TPP2: variants seen among roughly 807,000 people sequenced by gnomAD.
The protein encoded by TPP2 is tripeptidyl peptidase 2, also known as tripeptidyl-peptidase 2.
TPP2 carries 34 observed loss-of-function variants against 155.9 expected under a neutral mutation model. The observed-to-expected ratio is 0.22, with a 90% CI of 0.17 to 0.29. The LOEUF (loss-of-function observed/expected upper bound fraction) is 0.29, where lower values mean the gene tolerates loss of function less well. Among genes scored for constraint, TPP2 ranks in the 10% least tolerant of loss-of-function variants. TPP2 has a pLI of 1.00. For missense variants in TPP2, 1,028 were observed against 1,522.3 expected (o/e 0.68, Z 5.40); for synonymous variants, 510 against 529.4 (o/e 0.96, Z 0.50).
chr13:102,630,202 G>T lies in TPP2; in HGVS notation c.1244+7G>T, dbSNP rs749310939. On this transcript the variant is annotated splice_region_variant and intron_variant, in intron 10 of 29. Transcript: ENST00000376052. Reference sequence around the variant, plus strand: ...GGTCTTCTAGAGGACCTAGGTAGGTGCAGGTAGAACGCGGAACCATTACGT... The same window carrying T: ...GGTCTTCTAGAGGACCTAGGTAGGTTCAGGTAGAACGCGGAACCATTACGT... 1.9e-6 allele frequency: 3 copies of T among 1,606,488 alleles called. No homozygotes were observed. Among genetic ancestry groups the T allele is most frequent in the Admixed American group, 3.3e-5 (2 of 59,944 alleles).
At chr13:102,604,691 T>G in intron 1 of TPP2, 102 bp from the exon 2 acceptor site, 8 of 1,309,204 alleles carry the variant, frequency 6.1e-6, no homozygotes, top group Non-Finnish European at 8.2e-6. Context: ...TTTAAGTGAA[T>G]GTAGATTTTG....
In TPP2 at chr13:102,630,108, A is replaced by T. The variant is rs1017757676; in HGVS notation, c.1157A>T (p.Tyr386Phe). 11 of 1,613,030 alleles carry T rather than the reference A, an allele frequency of 6.8e-6. No individual in the cohort carries two copies. The highest frequency in any genetic ancestry group is 9.3e-6 in the Non-Finnish European group (11 of 1,179,732). Residue 386 changes from tyrosine to phenylalanine, a missense_variant, in exon 10 of 30, where the codon TAT (tyrosine) becomes TTT (phenylalanine). Physicochemically the swap from Tyr to Phe is conservative, Grantham distance 22. Around this residue, in one of 7 missense-constraint regions of TPP2, gnomAD observed 63 missense variants for 165.7 expected, o/e 0.38. Coordinates refer to ENST00000376052, the MANE Select transcript of TPP2 (RefSeq NM_001330588.2). ...TTSSVIGVGAYVSPDMMVAEY... is the reference protein window; with the variant it reads ...TTSSVIGVGAFVSPDMMVAEY... ...ATCCATCCCACAGGTGTTGGTGCTT[A>T]TGTTTCTCCTGATATGATGGTTGCT...
At chr13:102,604,390 G>T (rs1445361587) in intron 1 of TPP2, among the ~76,000 whole-genome samples, 1 of 151,976 alleles carries the variant, frequency 6.6e-6, no homozygotes, top group Non-Finnish European at 1.5e-5. Flanking sequence ...CATCTGACAT[G>T]TTCTTTTTTT....
Position 102,627,021 on chromosome 13 carries a change from G to T in TPP2, c.794G>T (p.Gly265Val). ...ACCTTTGTGTCTCTAGGAGCTCATG[G>T]GACACATGTAGCTAGTATAGCTGCT... ...LSIVTSGGAH[G>V]THVASIAAGH... The change falls in exon 7 of 30, where the codon GGG becomes GTG. Residue 265 changes from glycine (G) to valine (V), a missense_variant. Physicochemically the swap from Gly to Val is moderately radical, Grantham distance 109. Coordinates refer to ENST00000376052, the MANE Select transcript of TPP2 (RefSeq NM_001330588.2). 1 of 1,575,040 alleles carries T rather than the reference G, an allele frequency of 6.3e-7. No individual in the cohort carries two copies. Among genetic ancestry groups the T allele is most frequent in the South Asian group, 1.2e-5 (1 of 84,104 alleles).
intron 25 of TPP2, among the ~76,000 whole-genome samples, chr13:102,661,224 A>G (rs964713783): frequency 2.7e-5 from 4 of 150,896 alleles, no homozygotes; most frequent in Non-Finnish European, 5.9e-5. Flanking sequence ...AGGAGCTTGT[A>G]TGCAAAATAT....
chr13:102,609,345 A>G lies in TPP2; in HGVS notation c.294+4424A>G, dbSNP rs180898188. Among the ~76,000 whole-genome samples the G allele has an allele frequency of 2.1e-3, 314 of 150,666 alleles. 3 individuals carry two copies. The highest frequency in any genetic ancestry group is 7.1e-3 in the South Asian group (34 of 4,780). ...AAGGGGAAACAAGACATGTCTTCTC[A>G]TCATGATAGAGCAGGAAAGAGAGCC... is the stretch of plus-strand genomic sequence containing the variant. On this transcript the variant is annotated intron_variant, in intron 2 of 29. Transcript: ENST00000376052.
At chr13:102,671,514 A>G (rs570520188) in intron 27 of TPP2, among the ~76,000 whole-genome samples, 8 of 152,336 alleles carry the variant, frequency 5.3e-5, no homozygotes, top group Admixed American at 1.3e-4. Context: ...AGAGATCTGC[A>G]GAGTGACCTC....
In TPP2 at chr13:102,678,389, A is replaced by G. The variant is rs184692424; in HGVS notation, c.*73A>G. 31 of 1,331,370 alleles carry G rather than the reference A, an allele frequency of 2.3e-5. No individual in the cohort carries two copies. The highest frequency in any genetic ancestry group is 3.2e-5 in the Non-Finnish European group (30 of 938,592). The allele number at this position is 1,331,370 out of a possible 1,614,324, so 82.5% of individuals were successfully genotyped here. ...ATGGGTATAAAAACAAATTTGTGGC[A>G]TTTTTAGTCTAATGCATGTTTTCAT... On this transcript the variant is annotated 3_prime_UTR_variant, in exon 30 of 30. Transcript: ENST00000376052.
At chr13:102,597,419 GCGGGCGAGGGCC>G (rs1230905518) in intron 1 of TPP2, among the ~76,000 whole-genome samples, 46 of 152,318 alleles carry the variant, frequency 3.0e-4, no homozygotes, top group African/African-American at 1.1e-3. Flanking sequence ...GGGTCGCTGG[GCGGGCGAGGGCC>G]CGGACCCCAG....
At chr13:102,624,180 T>C (rs16960257) in intron 6 of TPP2, among the ~76,000 whole-genome samples, 4,867 of 152,256 alleles carry the variant, frequency 0.032, 273 homozygotes, top group African/African-American at 0.11. Flanking sequence ...TTTATAGATA[T>C]GTGTGTTTAT....
chr13:102,640,217 A>C, intron 15 of TPP2, 53 bp from the exon 16 acceptor site: 1 of 1,301,882 alleles, frequency 7.7e-7, no homozygotes, highest in South Asian at 1.4e-5. Context: ...AATCTAGAGT[A>C]TCTGTGGTCT....
chr13:102,677,379 C>G (rs1262258663), intron 29 of TPP2, among the ~76,000 whole-genome samples: 3 of 150,780 alleles, frequency 2.0e-5, no homozygotes, highest in South Asian at 4.2e-4. Context: ...CTGCCCCCCC[C>G]GCTGCCTGTT....
In TPP2 at chr13:102,614,251, C is replaced by T; in HGVS notation, c.390+55C>T. On this transcript the variant is annotated intron_variant, in intron 3 of 29. Transcript: ENST00000376052. ...TATTCTTCTGACTTGTCTTCTTCCTCAGATTTTATTCCTACTGAAGAAAAA... is the reference window on the plus strand; with the variant it reads ...TATTCTTCTGACTTGTCTTCTTCCTTAGATTTTATTCCTACTGAAGAAAAA... 3 of 1,389,448 alleles carry T rather than the reference C, an allele frequency of 2.2e-6. 1 individual carries two copies. The South Asian group carries it at 4.0e-5, about 19-fold the overall frequency. The allele number at this position is 1,389,448 out of a possible 1,614,324, so 86.1% of individuals were successfully genotyped here. A position where few individuals can be genotyped will look rare whatever the true frequency, so the allele number is the denominator to read the frequency against.
intron 2 of TPP2, among the ~76,000 whole-genome samples, chr13:102,609,098 T>C (rs571041254): frequency 3.9e-5 from 6 of 152,272 alleles, no homozygotes; most frequent in African/African-American, 1.4e-4. Flanking sequence ...TGGCCGTAGG[T>C]ATTCAGGTAA....
In TPP2 at chr13:102,636,321, G is replaced by A; in HGVS notation, c.1607G>A (p.Arg536Gln). ...TVGNNRGIYL[R>Q]DPVQVAAPSD... The stretch of plus-strand genomic sequence containing the variant: ...GGAAATAACCGTGGCATCTACCTCC[G>A]AGATCCTGTTCAGGTGGCTGCACCT... Residue 536 changes from arginine (R) to glutamine (Q), a missense_variant, in exon 13 of 30, where the codon CGA (arginine) becomes CAA (glutamine). Arg to Gln is a conservative substitution (Grantham distance 43). Around this residue, in one of 7 missense-constraint regions of TPP2, gnomAD observed 325 missense variants for 463.7 expected, o/e 0.70. Transcript: ENST00000376052. 1.2e-6 allele frequency: 2 copies of A among 1,613,776 alleles called. No homozygotes were observed. The highest frequency in any genetic ancestry group is 2.2e-5 in the East Asian group (1 of 44,876).
rs1047051729 is a variant in TPP2 at position 102,679,768 on chromosome 13, G to C, written c.*1452G>C. 1 of 152,206 alleles carries C rather than the reference G, an allele frequency of 6.6e-6. No individual in the cohort carries two copies. The highest frequency in any genetic ancestry group is 1.5e-5 in the Non-Finnish European group (1 of 68,040). The allele number at this position is 152,206 out of a possible 1,614,324, so 9.4% of individuals were successfully genotyped here. ...TCCAGTAAGAGAATGGAGAAGCTCA[G>C]TAAAGGTAGGATGACTTCCCAAGGT... On this transcript the variant is annotated 3_prime_UTR_variant, in exon 30 of 30. Coordinates refer to ENST00000376052, the MANE Select transcript of TPP2 (RefSeq NM_001330588.2).
At chr13:102,633,839 C>A in intron 10 of TPP2, 111 bp from the exon 11 acceptor site, 1 of 1,436,094 alleles carries the variant, frequency 7.0e-7, no homozygotes, top group Non-Finnish European at 9.5e-7. Flanking sequence ...GTAATGAGTG[C>A]AGTTAGTACA....
intron 2 of TPP2, among the ~76,000 whole-genome samples, chr13:102,609,608 G>A (rs1272697114): frequency 1.3e-5 from 2 of 151,934 alleles, no homozygotes; most frequent in Admixed American, 1.3e-4. Context: ...TGTTGGCCAA[G>A]CTGGTCTCAG....
At position 102,623,018 on chromosome 13, in the gene TPP2, G is replaced by A; in HGVS notation, c.762G>A (p.Leu254=). The A allele has an allele frequency of 6.2e-7, 1 of 1,613,386 alleles. No individual in the cohort carries two copies. The highest frequency in any genetic ancestry group is 8.5e-7 in the Non-Finnish European group (1 of 1,179,830). ...YSVNIYDDGN[L]LSIVTSGGAH... is the part of the protein sequence containing the mutation. ...TTAATATATACGATGATGGAAACCT[G>A]CTCTCCATTGTGACCAGTGGAGGTA... Residue 254 remains leucine, a synonymous_variant, in exon 6 of 30, where the codon CTG becomes CTA. Transcript: ENST00000376052.
Sources: gnomAD v4.1 joint callset for allele counts (sites outside exome capture counted in the v4.1 genomes callset) on GRCh38, gnomAD v4.1.1 for gene constraint, gnomAD v4.1.1 regional missense constraint, MANE v1.5 for transcripts, NCBI Gene and HGNC (gene_info 2026-07-23, HGNC 2026-07-21) for gene names.